Variants in LFNG observed in about 807,000 individuals in gnomAD.
LFNG encodes the protein LFNG O-fucosylpeptide 3-beta-N-acetylglucosaminyltransferase.
A neutral mutation model predicts 32.7 loss-of-function variants in LFNG; 15 were observed. The ratio of observed to expected loss-of-function variants is 0.46; its 90% CI spans 0.31 to 0.71. The LOEUF is 0.71. LFNG is among the 30% of genes least tolerant of loss of function. LFNG has a pLI of 0.06. For missense variants in LFNG, 520 were observed against 545.7 expected (o/e 0.95, Z 0.47); for synonymous variants, 274 against 246.8 (o/e 1.11, Z -1.03).
chr7:2,513,316 C>T (rs763310253), upstream of LFNG: 5 of 1,602,968 alleles, frequency 3.1e-6, no homozygotes, highest in Non-Finnish European at 1.7e-6. Context: ...ACGGAGGTGG[C>T]CTCTCTCAGC....
chr7:2,519,267 G>A (rs62444248), upstream of LFNG, among the ~76,000 whole-genome samples: 5,178 of 152,278 alleles, frequency 0.034, 180 homozygotes, highest in African/African-American at 0.089. Context: ...CGAGCGCTCG[G>A]GAAGACCCAG....
At chr7:2,525,019 G>A (rs1040941010) in intron 2 of LFNG, among the ~76,000 whole-genome samples, 200 bp from the exon 3 acceptor site, 1 of 152,246 alleles carries the variant, frequency 6.6e-6, no homozygotes, top group Non-Finnish European at 1.5e-5. Flanking sequence ...GGGCGGGGGC[G>A]GGGCCGCCCT....
chr7:2,527,078 G>T lies in LFNG; in HGVS notation c.1074-68G>T. ...TCGGGGTGGGGCCGCCAGTGTTGTG[G>T]GACTGCAAATGGGAGCTCAGCACCT... On this transcript the variant is annotated intron_variant, in intron 7 of 7. Coordinates refer to ENST00000222725, the MANE Select transcript of LFNG (RefSeq NM_001040167.2). The surrounding 1 kb of genome is among the most constrained non-coding windows in gnomAD (Gnocchi z 4.4). 1.3e-6 allele frequency: 2 copies of T among 1,524,638 alleles called. No homozygotes were observed. The highest frequency in any genetic ancestry group is 1.1e-5 in the South Asian group (1 of 88,604). 94.4% of individuals were successfully genotyped at this position (1,524,638 alleles called of 1,614,324 possible).
chr7:2,527,315 CGTGCCT>C lies in LFNG; in HGVS notation c.*108_*113del. On this transcript the variant is annotated 3_prime_UTR_variant, in exon 8 of 8. Coordinates refer to ENST00000222725, the MANE Select transcript of LFNG (RefSeq NM_001040167.2). The surrounding 1 kb of genome is among the most constrained non-coding windows in gnomAD (Gnocchi z 4.4). ...TCGGCATTCGAGGCTCCCCTAGGGC[CGTGCCT>C]GTGCGTGTGCGTGTGCGTGTGTGTG... The C allele has an allele frequency of 6.5e-7, 1 of 1,536,086 alleles. No individual in the cohort carries two copies.
Position 2,526,200 on chromosome 7 carries a change from G to A in LFNG, c.822-44G>A, listed in dbSNP as rs376758371. On this transcript the variant is annotated intron_variant, in intron 5 of 7. Transcript: ENST00000222725. The surrounding 1 kb of genome is among the most constrained non-coding windows in gnomAD (Gnocchi z 6.9). Reference sequence around the variant, plus strand: ...GGGGCCTCCCCAGCTCCCAGCAGATGGCTCCCGCCTCTGCTCACTGGTCTG... The same window carrying A: ...GGGGCCTCCCCAGCTCCCAGCAGATAGCTCCCGCCTCTGCTCACTGGTCTG... 222 of 1,608,170 alleles carry A rather than the reference G, an allele frequency of 1.4e-4. No homozygotes were observed. Among genetic ancestry groups the A allele is most frequent in the Non-Finnish European group, 1.8e-4 (212 of 1,178,202 alleles).
upstream of LFNG, among the ~76,000 whole-genome samples, chr7:2,516,091 C>T (rs1779620644): frequency 6.6e-6 from 1 of 152,210 alleles, no homozygotes; most frequent in African/African-American, 2.4e-5. Flanking sequence ...AGTTCTGATG[C>T]CTGGCCCCAG....
chr7:2,519,514 C>T (rs1779715494), upstream of LFNG, among the ~76,000 whole-genome samples: 2 of 151,746 alleles, frequency 1.3e-5, no homozygotes, highest in South Asian at 4.1e-4. Flanking sequence ...CGGCGCGGGC[C>T]GGGCCCGTCC....
At chr7:2,513,739 GCTCTGGTGC>G (rs1051370862), upstream of LFNG, among the ~76,000 whole-genome samples, 3 of 152,246 alleles carry the variant, frequency 2.0e-5, no homozygotes, top group Non-Finnish European at 4.4e-5. Context: ...GGGCAGGGTG[GCTCTGGTGC>G]CTCCCTGGTG....
chr7:2,518,025 G>C (rs1032127828), upstream of LFNG: 3 of 678,738 alleles, frequency 4.4e-6, no homozygotes, highest in Non-Finnish European at 5.9e-6. Context: ...ATGAGGCTCC[G>C]TCTCTGAAAC....
chr7:2,519,418 C>A (rs1367139956), upstream of LFNG, among the ~76,000 whole-genome samples: 1 of 152,148 alleles, frequency 6.6e-6, no homozygotes, highest in Non-Finnish European at 1.5e-5. Context: ...CTGCCCGCTG[C>A]GCCGAGGGCG....
At chr7:2,514,631 C>T (rs13245319), upstream of LFNG, among the ~76,000 whole-genome samples, 2,450 of 151,802 alleles carry the variant, frequency 0.016, 26 homozygotes, top group Non-Finnish European at 0.026. Flanking sequence ...TCCATCCATC[C>T]ATTCATCCAT....
chr7:2,522,584 C>T (rs557650423), intron 1 of LFNG, among the ~76,000 whole-genome samples: 98 of 152,360 alleles, frequency 6.4e-4, no homozygotes, highest in African/African-American at 2.2e-3. Context: ...CCCCCGCCCC[C>T]GTCCACCCTC....
chr7:2,519,907 G>A lies in LFNG; in HGVS notation c.46G>A (p.Ala16Thr), dbSNP rs1779735531. The A allele has an allele frequency of 9.1e-7, 1 of 1,093,668 alleles. No homozygotes were observed. Among genetic ancestry groups the A allele is most frequent in the South Asian group, 3.0e-5 (1 of 33,054 alleles). The allele number at this position is 1,093,668 out of a possible 1,614,324, so 67.7% of individuals were successfully genotyped here. Reference sequence around the variant, plus strand: ...GCGCCTGCTGCTGGCGCTGGCGGGCGCGCTGCTCGCCTGCCTGCTGGTGCT... The same window carrying A: ...GCGCCTGCTGCTGGCGCTGGCGGGCACGCTGCTCGCCTGCCTGCTGGTGCT... ...GRRLLLALAG[A>T]LLACLLVLTA... The change falls in exon 1 of 8, where the codon GCG becomes ACG. Residue 16 changes from alanine to threonine, a missense_variant. Around this residue, in one of 3 missense-constraint regions of LFNG, gnomAD observed 360 missense variants for 354.7 expected, o/e 1.01. Transcript: ENST00000222725.
chr7:2,527,466 C>A lies in LFNG; in HGVS notation c.*254C>A, dbSNP rs1379441448. The A allele has an allele frequency of 5.0e-6, 7 of 1,409,802 alleles. No individual in the cohort carries two copies. The highest frequency in any genetic ancestry group is 6.5e-6 in the Non-Finnish European group (7 of 1,082,036). The allele number at this position is 1,409,802 out of a possible 1,614,324, so 87.3% of individuals were successfully genotyped here. ...GAGGGCCAGTGGGCTGCAGGGCCTG[C>A]TTGGAGGAAGGATTTGTGTGTCGGA... On this transcript the variant is annotated 3_prime_UTR_variant, in exon 8 of 8. Transcript: ENST00000222725. The surrounding 1 kb of genome is among the most constrained non-coding windows in gnomAD (Gnocchi z 4.4).
At position 2,520,683 on chromosome 7, in the gene LFNG, T is replaced by A. The variant is rs757978414; in HGVS notation, c.432+390T>A. On this transcript the variant is annotated intron_variant, in intron 1 of 7. Coordinates refer to ENST00000222725, the MANE Select transcript of LFNG (RefSeq NM_001040167.2). The surrounding 1 kb of genome is among the most constrained non-coding windows in gnomAD (Gnocchi z 5.0). ...GGACCCACCCTCAGCTCAGACCCCTTCCTGGGGAGAAAGGCTCTTCCTTTA... is the reference window on the plus strand; with the variant it reads ...GGACCCACCCTCAGCTCAGACCCCTACCTGGGGAGAAAGGCTCTTCCTTTA... Among the ~76,000 whole-genome samples, 2 of 152,356 alleles carry A rather than the reference T, an allele frequency of 1.3e-5. No individual in the cohort carries two copies. Among genetic ancestry groups the A allele is most frequent in the East Asian group, 3.9e-4 (2 of 5,190 alleles).
Position 2,527,774 on chromosome 7 carries a change from C to T in LFNG, c.*562C>T. 2.0e-6 allele frequency: 2 copies of T among 1,006,742 alleles called. No individual in the cohort carries two copies. The highest frequency in any genetic ancestry group is 2.4e-6 in the Non-Finnish European group (2 of 841,318). The allele number at this position is 1,006,742 out of a possible 1,614,324, so 62.4% of individuals were successfully genotyped here. A position where few individuals can be genotyped will look rare whatever the true frequency, so the allele number is the denominator to read the frequency against. On this transcript the variant is annotated 3_prime_UTR_variant, in exon 8 of 8. Transcript: ENST00000222725. This position sits in a 1 kb window ranked among gnomAD's most constrained non-coding sequence, Gnocchi z 4.4. ...TGTGGCTTAAGAGTAACAGCAGCCA[C>T]CGCCCAGTTCCAGTGGCCCCACGAA...
At position 2,525,767 on chromosome 7, in the gene LFNG, C is replaced by T. The variant is rs751882160; in HGVS notation, c.818C>T (p.Ala273Val). The change falls in exon 5 of 8, where the codon GCC becomes GTC. Residue 273 changes from alanine to valine, a missense_variant. Ala to Val is a moderately conservative substitution (Grantham distance 64, BLOSUM62 0). Transcript: ENST00000222725. ...RGLALKMSPW[A>V]SGGHFMNTAE... ...CTGGCTCTGAAGATGAGCCCGTGGGCCAGGTGAGTGCCCTGCACAGGTTAG... is the reference window on the plus strand; with the variant it reads ...CTGGCTCTGAAGATGAGCCCGTGGGTCAGGTGAGTGCCCTGCACAGGTTAG... 1 of 1,611,034 alleles carries T rather than the reference C, an allele frequency of 6.2e-7. No individual in the cohort carries two copies. Among genetic ancestry groups the T allele is most frequent in the East Asian group, 2.2e-5 (1 of 44,872 alleles).
At chr7:2,518,350 T>A (rs1242808182), upstream of LFNG, among the ~76,000 whole-genome samples, 1 of 152,104 alleles carries the variant, frequency 6.6e-6, no homozygotes, top group Non-Finnish European at 1.5e-5. Context: ...GCTAATTACC[T>A]GGGGCCAGGA....
At chr7:2,528,436 G>A, downstream of LFNG, 1 of 992,232 alleles carries the variant, frequency 1.0e-6, no homozygotes. Context: ...GCAATCCTGG[G>A]GGTCCTGGTC....
Sources: allele counts gnomAD v4.1 joint callset (sites outside exome capture counted in the v4.1 genomes callset), GRCh38; gene constraint gnomAD v4.1.1; regional missense constraint gnomAD v4.1.1; non-coding constraint Gnocchi (gnomAD v3.1); transcripts MANE v1.5; gene names NCBI Gene and HGNC (gene_info 2026-07-23, HGNC 2026-07-21).